NOD2: variants seen among roughly 807,000 people sequenced by gnomAD.
The protein encoded by NOD2 is nucleotide binding oligomerization domain containing 2, also known as nucleotide-binding oligomerization domain-containing protein 2.
In NOD2, 86 loss-of-function variants were observed where a neutral mutation model predicts 90.9. The observed-to-expected ratio is 0.95, with a 90% confidence interval of 0.79 to 1.13. The LOEUF is 1.13. Among genes scored for constraint, NOD2 ranks in the 50% most tolerant of loss-of-function variants. The probability of loss-of-function intolerance (pLI) is 0.00; values close to 1 mark genes in which losing one functional copy is unlikely to be tolerated. For missense variants in NOD2, 1,238 were observed against 1,283.8 expected (o/e 0.96, Z 0.55); for synonymous variants, 581 against 554.6 (o/e 1.05, Z -0.67).
intron 4 of NOD2, among the ~76,000 whole-genome samples, chr16:50,713,940 A>G (rs1292533999): frequency 2.0e-5 from 3 of 152,086 alleles, no homozygotes; most frequent in Admixed American, 2.0e-4. Context: ...GAGAAGGGGG[A>G]GAGTGGATCT....
intron 3 of NOD2, among the ~76,000 whole-genome samples, chr16:50,710,286 C>T (rs1212521923): frequency 6.6e-6 from 1 of 152,218 alleles, no homozygotes; most frequent in African/African-American, 2.4e-5. Context: ...GTGCTAAGCA[C>T]TTGACATAGG....
In NOD2 at chr16:50,711,655, C is replaced by G. The variant is rs750625667; in HGVS notation, c.1663C>G (p.Leu555Val). 9.9e-6 allele frequency: 16 copies of G among 1,613,288 alleles called. No homozygotes were observed. Among genetic ancestry groups the G allele is most frequent in the Non-Finnish European group, 1.3e-5 (15 of 1,179,978 alleles). The part of the protein sequence containing the change: ...AAQVSPDDIS[L>V]GFLVRAKGVV... Reference sequence around the variant, plus strand: ...ACAGGTCAGCCCTGATGACATTTCTCTTGGCTTCCTGGTGCGTGCCAAAGG... The same window carrying G: ...ACAGGTCAGCCCTGATGACATTTCTGTTGGCTTCCTGGTGCGTGCCAAAGG... The change falls in exon 4 of 12, where the codon CTT becomes GTT. Residue 555 changes from leucine (L) to valine (V), a missense_variant. Leu to Val is a conservative substitution (Grantham distance 32). Transcript: ENST00000647318.
At chr16:50,702,201 T>C (rs1172095455) in intron 2 of NOD2, among the ~76,000 whole-genome samples, 2 of 152,228 alleles carry the variant, frequency 1.3e-5, no homozygotes, top group African/African-American at 4.8e-5. Context: ...CCCAAAGTGC[T>C]GGGATTACAG....
chr16:50,704,693 C>G (rs1348218965), intron 2 of NOD2, among the ~76,000 whole-genome samples: 2 of 152,140 alleles, frequency 1.3e-5, no homozygotes, highest in East Asian at 3.9e-4. Flanking sequence ...ACCACCACAC[C>G]CTTTAGTAGA....
chr16:50,710,481 C>T (rs569213375), intron 3 of NOD2, 77 bp from the exon 4 acceptor site: 82 of 1,598,072 alleles, frequency 5.1e-5, no homozygotes, highest in South Asian at 4.5e-4. Context: ...CAGCGTCCCC[C>T]GCAGCAGCCC....
rs1325386508 is a variant in NOD2, at chr16:50,732,819, G to A, written c.*1000G>A. 2 of 152,254 alleles carry A rather than the reference G, an allele frequency of 1.3e-5. No homozygotes were observed. Among genetic ancestry groups the A allele is most frequent in the Non-Finnish European group, 2.9e-5 (2 of 68,022 alleles). 9.4% of individuals were successfully genotyped at this position (152,254 alleles called of 1,614,324 possible). On this transcript the variant is annotated 3_prime_UTR_variant, in exon 12 of 12. Transcript: ENST00000647318. ...TAGGATGTACAGTTATGGATTGAAAGTTTACAGGAAAAAAAATTAGGCCGT... is the reference window on the plus strand; with the variant it reads ...TAGGATGTACAGTTATGGATTGAAAATTTACAGGAAAAAAAATTAGGCCGT...
chr16:50,731,714 C>T (rs766468780), intron 11 of NOD2, 33 bp from the exon 12 acceptor site: 1 of 1,500,794 alleles, frequency 6.7e-7, no homozygotes, highest in Non-Finnish European at 9.3e-7. Flanking sequence ...ATTTTGTCCT[C>T]ACTCAAACCT....
At chr16:50,701,673 G>T (rs1337388086) in intron 2 of NOD2, among the ~76,000 whole-genome samples, 1 of 152,232 alleles carries the variant, frequency 6.6e-6, no homozygotes, top group Non-Finnish European at 1.5e-5. Context: ...GATGGTCTGA[G>T]GGGTTTGGAG....
chr16:50,694,861 C>T (rs371487527), intron 1 of NOD2, among the ~76,000 whole-genome samples: 3 of 152,238 alleles, frequency 2.0e-5, no homozygotes, highest in East Asian at 1.9e-4. Flanking sequence ...TAAGTAAATA[C>T]ATGGCGTAGC....
chr16:50,699,007 A>G (rs568902149), intron 1 of NOD2, among the ~76,000 whole-genome samples: 14 of 150,230 alleles, frequency 9.3e-5, no homozygotes, highest in Admixed American at 8.6e-4. Context: ...GGCTCACTGC[A>G]ACCTCTGCCT....
Position 50,711,569 on chromosome 16 carries a change from T to G in NOD2, c.1577T>G (p.Leu526Arg). ...RLPTLLHLGRLALWGLGMCCY... is the reference protein window; with the variant it reads ...RLPTLLHLGRRALWGLGMCCY... ...CCCACCCTCCTGCACCTGGGCAGAC[T>G]GGCTCTGTGGGGCCTGGGCATGTGC... The change falls in exon 4 of 12, where the codon CTG becomes CGG. Residue 526 changes from leucine (L) to arginine (R), a missense_variant. Transcript: ENST00000647318. The G allele has an allele frequency of 6.2e-7, 1 of 1,612,232 alleles. No individual in the cohort carries two copies. Among genetic ancestry groups the G allele is most frequent in the Middle Eastern group, 1.7e-4 (1 of 6,060 alleles).
In NOD2 at chr16:50,731,802, A is replaced by G. The variant is rs758469287; in HGVS notation, c.3025A>G (p.Thr1009Ala). ...GGTTGACAAGCTCGGCTGCAGGGACACCAGACTCTTGCTTTGAAGTCTCCG... is the reference window on the plus strand; with the variant it reads ...GGTTGACAAGCTCGGCTGCAGGGACGCCAGACTCTTGCTTTGAAGTCTCCG... ...EEVDKLGCRD[T>A]RLLL Residue 1009 changes from threonine to alanine, a missense_variant, in exon 12 of 12, where the codon ACC becomes GCC. By Grantham distance (58) the Thr-to-Ala change is moderately conservative (BLOSUM62 0). Transcript: ENST00000647318. 1 of 1,613,660 alleles carries G rather than the reference A, an allele frequency of 6.2e-7. No homozygotes were observed. The highest frequency in any genetic ancestry group is 1.7e-5 in the Admixed American group (1 of 60,020).
chr16:50,699,394 G>A (rs1167669874), intron 1 of NOD2, 94 bp from the exon 2 acceptor site: 14 of 995,016 alleles, frequency 1.4e-5, no homozygotes, highest in South Asian at 1.0e-4. Context: ...TGGCCAACTC[G>A]GGTTCTGCTG....
chr16:50,715,370 C>T (rs1293918808), intron 4 of NOD2, among the ~76,000 whole-genome samples: 1 of 151,322 alleles, frequency 6.6e-6, no homozygotes, highest in African/African-American at 2.4e-5. Context: ...CGGGTGCTCA[C>T]AAGGCTTTAT....
chr16:50,698,414 G>T (rs372805905), intron 1 of NOD2, among the ~76,000 whole-genome samples: 1 of 152,194 alleles, frequency 6.6e-6, no homozygotes, highest in Non-Finnish European at 1.5e-5. Flanking sequence ...TGTTGATGGG[G>T]GACAAGGCAC....
intron 4 of NOD2, among the ~76,000 whole-genome samples, chr16:50,715,040 A>G (rs947060092): frequency 1.3e-5 from 2 of 152,196 alleles, no homozygotes; most frequent in Non-Finnish European, 2.9e-5. Flanking sequence ...AATGATTTGC[A>G]TGACCTGCAA....
In NOD2 at chr16:50,711,559, C is replaced by T; in HGVS notation, c.1567C>T (p.Leu523=). 6.2e-7 allele frequency: 1 copy of T among 1,612,446 alleles called. No individual in the cohort carries two copies. Among genetic ancestry groups the T allele is most frequent in the Non-Finnish European group, 8.5e-7 (1 of 1,180,030 alleles). The change falls in exon 4 of 12, where the codon CTG becomes TTG. Residue 523 remains leucine, a synonymous_variant. Transcript: ENST00000647318. ...LRGRLPTLLH[L]GRLALWGLGM... ...GGGCCGCCTCCCCACCCTCCTGCAC[C>T]TGGGCAGACTGGCTCTGTGGGGCCT...
rs201615690 is a variant in NOD2 at position 50,697,340 on chromosome 16, G to A, written c.-8-2148G>A. On this transcript the variant is annotated intron_variant, in intron 1 of 11. Transcript: ENST00000647318. ...GGGTAAGAGGAGCAGGCATTGTCCC[G>A]TCCCAGCTTGATCCTCAGCCTTCTT... The A allele has an allele frequency of 3.1e-5, 48 of 1,547,640 alleles. No individual in the cohort carries two copies. The East Asian group carries it at 7.8e-4, about 25-fold the overall frequency.
At chr16:50,700,521 A>G (rs1596830093) in intron 2 of NOD2, among the ~76,000 whole-genome samples, 1 of 152,216 alleles carries the variant, frequency 6.6e-6, no homozygotes, top group South Asian at 2.1e-4. Flanking sequence ...GTGTGATCTC[A>G]GGCTTCCCTA....
Sources: allele counts gnomAD v4.1 joint callset (sites outside exome capture counted in the v4.1 genomes callset), GRCh38; gene constraint gnomAD v4.1.1; transcripts MANE v1.5; gene names NCBI Gene and HGNC (gene_info 2026-07-23, HGNC 2026-07-21).